The following CEP128 variants were observed in gnomAD, a reference collection of about 807,000 sequenced individuals.
CEP128 encodes centrosomal protein 128.
A neutral mutation model predicts 156.7 loss-of-function variants in CEP128; 132 were observed. The ratio of observed to expected loss-of-function variants is 0.84; its 90% confidence interval spans 0.73 to 0.97. CEP128 has a LOEUF of 0.97. Ranked by LOEUF, CEP128 falls within the 50% of genes least tolerant of loss-of-function variation. The pLI is 0.00. For synonymous variants in CEP128, 469 were observed against 448.9 expected (o/e 1.04, Z -0.57); for missense variants, 1,252 against 1,281.9 (o/e 0.98, Z 0.36).
intron 9 of CEP128, among the ~76,000 whole-genome samples, chr14:80,844,943 G>C (rs1418848309): frequency 6.6e-6 from 1 of 152,014 alleles, no homozygotes; most frequent in Non-Finnish European, 1.5e-5. Context: ...GGCATCCAGT[G>C]CCAATGAACC....
rs141668435 is a variant in CEP128 at position 80,626,927 on chromosome 14, G to A, written c.2807-46504C>T. On this transcript the variant is annotated intron_variant, in intron 19 of 24. Coordinates refer to ENST00000555265, the MANE Select transcript of CEP128 (RefSeq NM_152446.5). ...CGCCTGGGCAACAGAGCAGGACTTC[G>A]TCCCCCCATCACCACCCCCAAAATC... is the stretch of plus-strand genomic sequence containing the variant. Among the ~76,000 whole-genome samples the A allele has an allele frequency of 5.2e-3, 793 of 152,206 alleles. 8 individuals carry two copies. Among genetic ancestry groups the A allele is most frequent in the African/African-American group, 0.014 (593 of 41,536 alleles).
At chr14:80,774,609 A>G (rs995862360) in intron 16 of CEP128, among the ~76,000 whole-genome samples, 2 of 150,576 alleles carry the variant, frequency 1.3e-5, no homozygotes, top group South Asian at 2.1e-4. Context: ...ATATATACAT[A>G]TGTGTGTGTG....
intron 19 of CEP128, among the ~76,000 whole-genome samples, chr14:80,729,416 G>A (rs953798405): frequency 1.4e-4 from 21 of 151,580 alleles, no homozygotes; most frequent in Non-Finnish European, 2.8e-4. Context: ...TTATCCACTC[G>A]TTGATTGGTG....
chr14:80,935,646 CAAAAAAAAAA>C (rs375122664), intron 2 of CEP128, among the ~76,000 whole-genome samples: 1 of 51,608 alleles, frequency 1.9e-5, no homozygotes, highest in African/African-American at 9.1e-5. Context: ...GTCCCCCCAC[CAAAAAAAAAA>C]AAAAAAAAAA....
chr14:80,497,487 C>T lies in CEP128; in HGVS notation c.3277G>A (p.Gly1093Arg). 6.2e-7 allele frequency: 1 copy of T among 1,605,388 alleles called. No individual in the cohort carries two copies. Among genetic ancestry groups the T allele is most frequent in the African/African-American group, 1.3e-5 (1 of 74,860 alleles). The change falls in exon 25 of 25, where the codon GGG (glycine) becomes AGG (arginine). Residue 1093 changes from glycine to arginine, a missense_variant. Physicochemically the swap from Gly to Arg is moderately radical, Grantham distance 125. Coordinates refer to ENST00000555265, the MANE Select transcript of CEP128 (RefSeq NM_152446.5). ...AAATTACATTTGCTTTTTTAGCTCC[C>T]ATATTCCTCTTTTTTGGGTTGTGAA... ...TSSQPKKEEY[G>R]S is the part of the protein sequence containing the mutation.
At chr14:80,601,660 T>A (rs959523195) in intron 19 of CEP128, among the ~76,000 whole-genome samples, 2 of 152,200 alleles carry the variant, frequency 1.3e-5, no homozygotes, top group Non-Finnish European at 2.9e-5. Flanking sequence ...CTGTACAGCA[T>A]GTTACTATAT....
At chr14:80,771,423 T>C (rs1240167831) in intron 16 of CEP128, among the ~76,000 whole-genome samples, 2 of 152,210 alleles carry the variant, frequency 1.3e-5, no homozygotes, top group East Asian at 1.9e-4. Context: ...GCACCATAAA[T>C]ACACTTGCAA....
chr14:80,621,523 A>G (rs1162499954), intron 19 of CEP128, among the ~76,000 whole-genome samples: 2 of 152,332 alleles, frequency 1.3e-5, no homozygotes, highest in East Asian at 3.9e-4. Flanking sequence ...GTGAGATTTA[A>G]CACAAATTCT....
chr14:80,506,335 CTTT>C (rs398057291), intron 23 of CEP128, among the ~76,000 whole-genome samples: 2 of 126,864 alleles, frequency 1.6e-5, no homozygotes, highest in African/African-American at 2.9e-5. Context: ...ATTTGAAACT[CTTT>C]TTTTTTTTTT....
chr14:80,922,107 T>C (rs1475052063), intron 2 of CEP128, among the ~76,000 whole-genome samples: 1 of 152,238 alleles, frequency 6.6e-6, no homozygotes, highest in Non-Finnish European at 1.5e-5. Flanking sequence ...TCTTCAGAGA[T>C]AGCCGGTTAA....
At chr14:80,626,333 G>A (rs1413580469) in intron 19 of CEP128, among the ~76,000 whole-genome samples, 1 of 151,214 alleles carries the variant, frequency 6.6e-6, no homozygotes, top group Admixed American at 6.6e-5. Context: ...GCGCGGTGGC[G>A]GGCGCCTGTA....
At chr14:80,742,161 C>G (rs2139592921) in intron 19 of CEP128, among the ~76,000 whole-genome samples, 1 of 152,308 alleles carries the variant, frequency 6.6e-6, no homozygotes, top group African/African-American at 2.4e-5. Flanking sequence ...TTTCACACAC[C>G]AGACAAAAGA....
At chr14:80,905,100 C>T (rs903954421) in intron 5 of CEP128, among the ~76,000 whole-genome samples, 169 bp from the exon 6 acceptor site, 3 of 152,002 alleles carry the variant, frequency 2.0e-5, no homozygotes, top group Non-Finnish European at 4.4e-5. Context: ...ACCAAATTAG[C>T]ATTAATCATG....
chr14:80,860,389 T>C (rs769256170), intron 9 of CEP128, among the ~76,000 whole-genome samples: 6 of 152,164 alleles, frequency 3.9e-5, no homozygotes, highest in Admixed American at 2.6e-4. Context: ...TTTAGTCAAA[T>C]TGACAATTTC....
intron 13 of CEP128, among the ~76,000 whole-genome samples, chr14:80,812,631 C>T (rs899751496): frequency 1.6e-4 from 25 of 152,170 alleles, no homozygotes; most frequent in Non-Finnish European, 8.8e-5. Flanking sequence ...TGCAATGGCA[C>T]GATCTCGGCT....
chr14:80,954,518 G>T (rs111513088), intron 2 of CEP128, among the ~76,000 whole-genome samples: 4 of 152,092 alleles, frequency 2.6e-5, no homozygotes, highest in Non-Finnish European at 5.9e-5. Flanking sequence ...GCCTAATTAC[G>T]ATATGGAAAC....
intron 4 of CEP128, 29 bp from the exon 5 acceptor site, chr14:80,906,110 G>T (rs200558373): frequency 9.4e-6 from 14 of 1,492,272 alleles, no homozygotes; most frequent in Non-Finnish European, 1.2e-5. Flanking sequence ...TGAATGAAGC[G>T]TTATTCTTCT....
At chr14:80,876,697 G>GA (rs11419598) in intron 8 of CEP128, among the ~76,000 whole-genome samples, 74,863 of 151,758 alleles carry the variant, frequency 0.49, 18,977 homozygotes, top group African/African-American at 0.57. Flanking sequence ...AGAATAGAGG[G>GA]AAAATGGCCC....
intron 2 of CEP128, among the ~76,000 whole-genome samples, chr14:80,917,261 TA>T (rs1208314628): frequency 5.9e-5 from 9 of 152,078 alleles, no homozygotes; most frequent in Admixed American, 1.3e-4. Flanking sequence ...TTTAATACAT[TA>T]AAAAAAATTA....
Sources: allele counts gnomAD v4.1 joint callset (sites outside exome capture counted in the v4.1 genomes callset), GRCh38; gene constraint gnomAD v4.1.1; transcripts MANE v1.5; gene names NCBI Gene and HGNC (gene_info 2026-07-23, HGNC 2026-07-21).